The following DTNBP1 variants were observed in gnomAD, a reference collection of about 807,000 sequenced individuals.
The protein encoded by DTNBP1 is dysbindin.
In DTNBP1, 35 loss-of-function variants were observed where a neutral mutation model predicts 42.8. That is an observed-to-expected ratio of 0.82 (90% CI 0.63 to 1.09). The LOEUF (loss-of-function observed/expected upper bound fraction) is 1.09. Ranked by LOEUF, DTNBP1 falls within the 50% of genes least tolerant of loss-of-function variation. DTNBP1 has a pLI of 0.00. For missense variants in DTNBP1, 457 were observed against 424.2 expected (o/e 1.08, Z -0.68); for synonymous variants, 171 against 162.2 (o/e 1.05, Z -0.41).
intron 3 of DTNBP1, among the ~76,000 whole-genome samples, chr6:15,644,323 C>T (rs1227277576): frequency 6.6e-6 from 1 of 152,042 alleles, no homozygotes; most frequent in Non-Finnish European, 1.5e-5. Context: ...AGAGAGATAG[C>T]CATAAAATAA....
At chr6:15,528,722 A>T (rs1772594515) in intron 8 of DTNBP1, among the ~76,000 whole-genome samples, 6 of 152,242 alleles carry the variant, frequency 3.9e-5, no homozygotes, top group Admixed American at 3.9e-4. Flanking sequence ...ATTTGACAGC[A>T]TCTAGTGAAA....
chr6:15,564,169 T>A (rs867007856), intron 7 of DTNBP1, among the ~76,000 whole-genome samples: 2 of 152,092 alleles, frequency 1.3e-5, no homozygotes, highest in Non-Finnish European at 2.9e-5. Flanking sequence ...TAAACCTTTT[T>A]CTGCTGTAAC....
intron 7 of DTNBP1, among the ~76,000 whole-genome samples, chr6:15,592,366 T>C (rs865840818): frequency 6.6e-6 from 1 of 152,210 alleles, no homozygotes; most frequent in African/African-American, 2.4e-5. Flanking sequence ...TAATTGCTCA[T>C]GAGTAATTAA....
At chr6:15,659,789 T>C (rs1353171997) in intron 1 of DTNBP1, among the ~76,000 whole-genome samples, 4 of 152,066 alleles carry the variant, frequency 2.6e-5, no homozygotes, top group Admixed American at 1.3e-4. Context: ...CCTGACCTCA[T>C]GATCCGCCTG....
At chr6:15,636,930 T>C (rs1760065035) in intron 4 of DTNBP1, among the ~76,000 whole-genome samples, 1 of 152,196 alleles carries the variant, frequency 6.6e-6, no homozygotes, top group Non-Finnish European at 1.5e-5. Flanking sequence ...ATCCAACATT[T>C]AAGTGTTTTA....
chr6:15,533,031 T>A (rs1012354474), intron 8 of DTNBP1, among the ~76,000 whole-genome samples: 1 of 152,004 alleles, frequency 6.6e-6, no homozygotes, highest in African/African-American at 2.4e-5. Flanking sequence ...TTAAAAAAAA[T>A]ATATCTTCAA....
Position 15,613,352 on chromosome 6 carries a change from A to G in DTNBP1, c.488+1915T>C, listed in dbSNP as rs1581393388. 2.5e-5 allele frequency among the ~76,000 whole-genome samples: 2 copies of G among 79,894 alleles called. 1 individual carries two copies. Among genetic ancestry groups the G allele is most frequent in the Non-Finnish European group, 4.8e-5 (2 of 41,778 alleles). 52.4% of individuals were successfully genotyped at this position (79,894 alleles called of 152,430 possible). On this transcript the variant is annotated intron_variant, in intron 6 of 9. Transcript: ENST00000344537. ...AAAAAATGCCCCTTTTTTGACACGG[A>G]CCCCATTTTTTTTTTTTTTTTTTTT...
chr6:15,558,966 G>C (rs1774684017), intron 7 of DTNBP1, among the ~76,000 whole-genome samples: 1 of 152,164 alleles, frequency 6.6e-6, no homozygotes, highest in Admixed American at 6.5e-5. Context: ...CTTACTACTT[G>C]CTGTTTATCT....
chr6:15,568,729 A>AT (rs935611934), intron 7 of DTNBP1, among the ~76,000 whole-genome samples: 2 of 151,948 alleles, frequency 1.3e-5, no homozygotes, highest in African/African-American at 2.4e-5. Context: ...AGTAAATAAT[A>AT]TTTTTTTGTC....
chr6:15,566,061 TC>T (rs1449031827), intron 7 of DTNBP1, among the ~76,000 whole-genome samples: 1 of 152,118 alleles, frequency 6.6e-6, no homozygotes, highest in Non-Finnish European at 1.5e-5. Flanking sequence ...ACGCCTGTAA[TC>T]CCAGCACTTT....
intron 6 of DTNBP1, among the ~76,000 whole-genome samples, chr6:15,602,191 T>C (rs1776757581): frequency 6.6e-6 from 1 of 151,994 alleles, no homozygotes; most frequent in Non-Finnish European, 1.5e-5. Flanking sequence ...AGACTAGTAA[T>C]AGTAAAAGGC....
At chr6:15,536,020 GA>G (rs1773207695) in intron 7 of DTNBP1, among the ~76,000 whole-genome samples, 1 of 152,228 alleles carries the variant, frequency 6.6e-6, no homozygotes, top group African/African-American at 2.4e-5. Flanking sequence ...TCTGGTGGAA[GA>G]AATTTCTAAG....
intron 7 of DTNBP1, among the ~76,000 whole-genome samples, chr6:15,555,678 C>A (rs1476462499): frequency 6.6e-6 from 1 of 152,126 alleles, no homozygotes; most frequent in African/African-American, 2.4e-5. Context: ...AGGGGAAGAA[C>A]CCTCAGTTCC....
At chr6:15,532,680 T>A (rs1253060970) in intron 8 of DTNBP1, among the ~76,000 whole-genome samples, 3 of 148,702 alleles carry the variant, frequency 2.0e-5, no homozygotes, top group African/African-American at 7.4e-5. Context: ...TCTAGAAGCA[T>A]AATTTGTGTT....
intron 7 of DTNBP1, among the ~76,000 whole-genome samples, chr6:15,558,606 G>C (rs1182554950): frequency 6.6e-6 from 1 of 152,062 alleles, no homozygotes; most frequent in African/African-American, 2.4e-5. Flanking sequence ...TGATAACTTT[G>C]AAAAGTATGC....
chr6:15,576,324 T>C (rs1298307391), intron 7 of DTNBP1, among the ~76,000 whole-genome samples: 2 of 151,948 alleles, frequency 1.3e-5, no homozygotes, highest in Non-Finnish European at 2.9e-5. Flanking sequence ...GGTTTCACCA[T>C]GTTGGCCAGG....
chr6:15,557,426 A>T (rs1774594065), intron 7 of DTNBP1, among the ~76,000 whole-genome samples: 1 of 152,176 alleles, frequency 6.6e-6, no homozygotes, highest in Admixed American at 6.5e-5. Context: ...TTTTTACATA[A>T]ATTGAATATT....
chr6:15,540,823 T>C (rs921523957), intron 7 of DTNBP1, among the ~76,000 whole-genome samples: 3 of 152,146 alleles, frequency 2.0e-5, no homozygotes, highest in Non-Finnish European at 4.4e-5. Flanking sequence ...TTTGTATTTT[T>C]AGTAGAGACA....
chr6:15,618,014 T>A (rs1758813417), intron 5 of DTNBP1, among the ~76,000 whole-genome samples: 1 of 152,182 alleles, frequency 6.6e-6, no homozygotes, highest in East Asian at 1.9e-4. Flanking sequence ...AATATATCCC[T>A]AGTACTGGGA....
Sources: allele counts gnomAD v4.1 joint callset (sites outside exome capture counted in the v4.1 genomes callset), GRCh38; gene constraint gnomAD v4.1.1; transcripts MANE v1.5; gene names NCBI Gene and HGNC (gene_info 2026-07-23, HGNC 2026-07-21).